DFFB: variants seen among roughly 807,000 people sequenced by gnomAD.
The protein encoded by DFFB is DNA fragmentation factor 40 kDa subunit.
Under a neutral mutation model 32.7 loss-of-function variants are expected in DFFB, and 29 were observed. That is an observed-to-expected ratio of 0.89 (90% CI 0.66 to 1.21). DFFB has a LOEUF of 1.21. Among genes scored for constraint, DFFB ranks in the 50% most tolerant of loss-of-function variants. The pLI, the probability that DFFB is intolerant of heterozygous loss-of-function variation, is 0.00. For missense variants in DFFB, 398 were observed against 440.6 expected (o/e 0.90, Z 0.87); for synonymous variants, 170 against 177.1 (o/e 0.96, Z 0.32).
At chr1:3,858,903 G>T (rs1435984299) in intron 2 of DFFB, 59 bp downstream of exon 2, 6 of 1,593,860 alleles carry the variant, frequency 3.8e-6, no homozygotes, top group South Asian at 3.3e-5. Context: ...GGTCCTGGGG[G>T]CTTAGCTCCA....
At chr1:3,880,400 A>G (rs967516977) in intron 6 of DFFB, among the ~76,000 whole-genome samples, 1 of 152,156 alleles carries the variant, frequency 6.6e-6, no homozygotes, top group African/African-American at 2.4e-5. Flanking sequence ...CTTGAGTCCA[A>G]CGGCTCACTG....
chr1:3,860,118 G>A (rs1179016952), intron 2 of DFFB, among the ~76,000 whole-genome samples: 1 of 152,110 alleles, frequency 6.6e-6, no homozygotes, highest in Non-Finnish European at 1.5e-5. Context: ...CATTGAGATG[G>A]GGTCTCCCTC....
chr1:3,864,324 G>A (rs186093773), intron 2 of DFFB, among the ~76,000 whole-genome samples: 1 of 152,080 alleles, frequency 6.6e-6, no homozygotes, highest in African/African-American at 2.4e-5. Context: ...TTTCAATAAA[G>A]CTACTTAAAA....
intron 6 of DFFB, chr1:3,872,955 C>T (rs79617665): frequency 1.7e-4 from 210 of 1,230,118 alleles, no homozygotes; most frequent in African/African-American, 1.1e-3. Context: ...GCTCAGACAG[C>T]GGGAGCTCCT....
rs1457522319 is a variant in DFFB at position 3,885,252 on chromosome 1, AG to A, written c.*1512del. ...TCCTGGGGGATACGGGGGTTGGGCT[AG>A]ATTACAGAGGGCTCATTTTCTACGT... On this transcript the variant is annotated 3_prime_UTR_variant, in exon 7 of 7. Coordinates refer to ENST00000378209, the MANE Select transcript of DFFB (RefSeq NM_004402.4). 6.6e-6 allele frequency: 1 copy of A among 152,212 alleles called. No homozygotes were observed. The highest frequency in any genetic ancestry group is 1.5e-5 in the Non-Finnish European group (1 of 68,042). 9.4% of individuals were successfully genotyped at this position (152,212 alleles called of 1,614,324 possible). A position where few individuals can be genotyped will look rare whatever the true frequency, so the allele number is the denominator to read the frequency against.
At chr1:3,872,872 C>T (rs919453509) in intron 6 of DFFB, 3 of 1,212,196 alleles carry the variant, frequency 2.5e-6, no homozygotes, top group Admixed American at 3.4e-5. Flanking sequence ...TGGGCAGCGT[C>T]CTTCCCCAGA....
At chr1:3,871,797 A>C (rs540889695) in intron 5 of DFFB, among the ~76,000 whole-genome samples, 2 of 152,368 alleles carry the variant, frequency 1.3e-5, no homozygotes, top group African/African-American at 4.8e-5. Context: ...TGGCGCTGGC[A>C]TCTGCTCAGC....
intron 5 of DFFB, among the ~76,000 whole-genome samples, chr1:3,870,681 G>T (rs897577838): frequency 6.6e-6 from 1 of 152,096 alleles, no homozygotes; most frequent in Admixed American, 6.5e-5. Flanking sequence ...AGGCCAAGGG[G>T]CTGCAGGAGC....
rs57291362 is a variant in DFFB at position 3,860,480 on chromosome 1, T to C, written c.241+1636T>C. 1,159 of 441,970 alleles carry C rather than the reference T, an allele frequency of 2.6e-3. 9 individuals are homozygous for C. The highest frequency in any genetic ancestry group is 0.021 in the African/African-American group (1,033 of 49,704). 27.4% of individuals were successfully genotyped at this position (441,970 alleles called of 1,614,324 possible). A position where few individuals can be genotyped will look rare whatever the true frequency, so the allele number is the denominator to read the frequency against. On this transcript the variant is annotated intron_variant, in intron 2 of 6. Coordinates refer to ENST00000378209, the MANE Select transcript of DFFB (RefSeq NM_004402.4). ...CTGGGCTCAAGCTGTCCTCCTGCCT[T>C]GGTCTCCTAAAGTGCTGGGATTACA...
intron 2 of DFFB, among the ~76,000 whole-genome samples, chr1:3,862,686 A>C (rs1231395049): frequency 2.0e-5 from 3 of 152,208 alleles, no homozygotes; most frequent in Non-Finnish European, 4.4e-5. Context: ...ACCTTATACA[A>C]AAAGTACAAT....
At position 3,860,546 on chromosome 1, in the gene DFFB, A is replaced by G. The variant is rs1358759484; in HGVS notation, c.241+1702A>G. ...GCCTGGCCTAAACCGTTTATTTAGA[A>G]ATAATGACAGATTCCCAGGAAGTTG... On this transcript the variant is annotated intron_variant, in intron 2 of 6. Transcript: ENST00000378209. The G allele has an allele frequency of 8.4e-5, 30 of 356,712 alleles. No individual in the cohort carries two copies. The Admixed American group carries it at 8.7e-4, about 10-fold the overall frequency. 22.1% of individuals were successfully genotyped at this position (356,712 alleles called of 1,614,324 possible). A position where few individuals can be genotyped will look rare whatever the true frequency, so the allele number is the denominator to read the frequency against.
intron 5 of DFFB, among the ~76,000 whole-genome samples, chr1:3,870,679 G>A (rs137951155): frequency 3.5e-4 from 53 of 152,290 alleles, no homozygotes; most frequent in African/African-American, 1.1e-3. Context: ...GGAGGCCAAG[G>A]GGCTGCAGGA....
At chr1:3,883,004 C>CTT (rs200251035) in intron 6 of DFFB, among the ~76,000 whole-genome samples, 4 of 140,254 alleles carry the variant, frequency 2.9e-5, no homozygotes, top group African/African-American at 5.3e-5. Flanking sequence ...TGACACGAGT[C>CTT]TTTTTTTTTT....
At chr1:3,872,359 G>T (rs1645133269) in intron 5 of DFFB, 113 bp from the exon 6 acceptor site, 1 of 725,318 alleles carries the variant, frequency 1.4e-6, no homozygotes, top group Non-Finnish European at 2.3e-6. Flanking sequence ...GTTGTAGTAA[G>T]CCGAGATCGG....
intron 6 of DFFB, chr1:3,872,917 G>A: frequency 8.2e-7 from 1 of 1,216,312 alleles, no homozygotes; most frequent in Non-Finnish European, 1.0e-6. Context: ...CAGAGGTTCT[G>A]AACCTCTGTG....
At chr1:3,859,846 C>T (rs1644844777) in intron 2 of DFFB, among the ~76,000 whole-genome samples, 3 of 152,152 alleles carry the variant, frequency 2.0e-5, no homozygotes, top group South Asian at 2.1e-4. Flanking sequence ...TATGCCTCAC[C>T]TTTGGATGTT....
intron 3 of DFFB, 82 bp from the exon 4 acceptor site, chr1:3,867,892 G>A: frequency 8.0e-7 from 1 of 1,247,360 alleles, no homozygotes; most frequent in Non-Finnish European, 1.2e-6. Flanking sequence ...TGCCCTGCTT[G>A]GCACCTGGGC....
At chr1:3,867,596 TAATCCTAG>T in intron 3 of DFFB, 1 of 219,936 alleles carries the variant, frequency 4.5e-6, no homozygotes, top group Non-Finnish European at 9.2e-6. Context: ...CTCACACCTA[TAATCCTAG>T]CACTTTGGGA....
At position 3,884,177 on chromosome 1, in the gene DFFB, C is replaced by T; in HGVS notation, c.*436C>T. ...GGGATGACAGGTGTGAGCCACTGCGCCCAGCCTGAATCATTTCTTATACCT... is the reference window on the plus strand; with the variant it reads ...GGGATGACAGGTGTGAGCCACTGCGTCCAGCCTGAATCATTTCTTATACCT... On this transcript the variant is annotated 3_prime_UTR_variant, in exon 7 of 7. Coordinates refer to ENST00000378209, the MANE Select transcript of DFFB (RefSeq NM_004402.4). 4.8e-6 allele frequency: 1 copy of T among 210,388 alleles called. No individual in the cohort carries two copies. Among genetic ancestry groups the T allele is most frequent in the Non-Finnish European group, 9.7e-6 (1 of 103,046 alleles). 13.0% of individuals were successfully genotyped at this position (210,388 alleles called of 1,614,324 possible). A position where few individuals can be genotyped will look rare whatever the true frequency, so the allele number is the denominator to read the frequency against.
Sources: gnomAD v4.1 joint callset for allele counts (sites outside exome capture counted in the v4.1 genomes callset) on GRCh38, gnomAD v4.1.1 for gene constraint, MANE v1.5 for transcripts, NCBI Gene and HGNC (gene_info 2026-07-23, HGNC 2026-07-21) for gene names.